Variants in PTPRN2 observed in about 807,000 individuals in gnomAD.
The protein encoded by PTPRN2 is receptor-type tyrosine-protein phosphatase N2.
In PTPRN2, 74 loss-of-function variants were observed where a neutral mutation model predicts 118.8. The ratio of observed to expected loss-of-function variants is 0.62; its 90% CI spans 0.52 to 0.76. The LOEUF (loss-of-function observed/expected upper bound fraction) is 0.76. Ranked by LOEUF, PTPRN2 falls within the 30% of genes least tolerant of loss-of-function variation. The pLI is 0.00. For missense variants in PTPRN2, 1,481 were observed against 1,394.4 expected, an observed-to-expected ratio of 1.06 and a Z score of -0.99; for synonymous variants, 641 against 608.0, an observed-to-expected ratio of 1.05 and a Z score of -0.80.
chr7:158,337,364 CACACCCACACTCTCACCATAA>C (rs1805832366), intron 2 of PTPRN2, among the ~76,000 whole-genome samples: 2 of 90,928 alleles, frequency 2.2e-5, no homozygotes, highest in Admixed American at 1.2e-4. Flanking sequence ...AGACGTCCCT[CACACCCACACTCTCACCATAA>C]GAGGTAACAC....
intron 3 of PTPRN2, among the ~76,000 whole-genome samples, chr7:158,258,998 G>A (rs77903156): frequency 0.02 from 3,113 of 152,228 alleles, 111 homozygotes; most frequent in African/African-American, 0.07. Context: ...TCGGTACAGG[G>A]AGGCAGGAAG....
At chr7:158,416,279 G>T (rs1053685480) in intron 2 of PTPRN2, among the ~76,000 whole-genome samples, 1 of 152,208 alleles carries the variant, frequency 6.6e-6, no homozygotes, top group Admixed American at 6.5e-5. Context: ...GATTGCATCC[G>T]ACTGTCCTCC....
rs1007080628 is a variant in PTPRN2, at chr7:157,794,732, A to G, written c.1788+103941T>C. ...AAGACACCCAGCCTGAAACCACGAT[A>G]AATGTGTGGAGTTGTGGAGACAGCT... On this transcript the variant is annotated intron_variant, in intron 12 of 22. Transcript: ENST00000389418. The surrounding 1 kb of genome is among the most constrained non-coding windows in gnomAD (Gnocchi z 5.2). Among the ~76,000 whole-genome samples the G allele has an allele frequency of 2.6e-5, 4 of 152,214 alleles. No individual in the cohort carries two copies. Among genetic ancestry groups the G allele is most frequent in the African/African-American group, 9.6e-5 (4 of 41,452 alleles).
chr7:157,898,256 T>C (rs1333371673), intron 12 of PTPRN2, among the ~76,000 whole-genome samples: 1 of 152,262 alleles, frequency 6.6e-6, no homozygotes, highest in Non-Finnish European at 1.5e-5. Context: ...CTCTCCCAAA[T>C]GTGCGTCCTT....
Position 158,335,325 on chromosome 7 carries a change from T to C in PTPRN2, c.164-18393A>G, listed in dbSNP as rs62480947. ...GGCCCACAGAGGACACTCACACCCATACTCTCACCATAAGAGGTGACACCT... is the reference window on the plus strand; with the variant it reads ...GGCCCACAGAGGACACTCACACCCACACTCTCACCATAAGAGGTGACACCT... On this transcript the variant is annotated intron_variant, in intron 2 of 22. Transcript: ENST00000389418. Among the ~76,000 whole-genome samples the C allele has an allele frequency of 8.3e-3, 74 of 8,914 alleles. 16 individuals are homozygous for C. The highest frequency in any genetic ancestry group is 0.015 in the South Asian group (2 of 134). 5.8% of individuals were successfully genotyped at this position (8,914 alleles called of 152,430 possible). A position where few individuals can be genotyped will look rare whatever the true frequency, so the allele number is the denominator to read the frequency against.
At chr7:157,914,750 T>C (rs1798301510) in intron 11 of PTPRN2, among the ~76,000 whole-genome samples, 1 of 152,168 alleles carries the variant, frequency 6.6e-6, no homozygotes, top group Admixed American at 6.5e-5. Context: ...ATGAACTGCA[T>C]TTAAGATCCT....
At position 158,403,969 on chromosome 7, in the gene PTPRN2, T is replaced by C. The variant is rs1351754523; in HGVS notation, c.163+85766A>G. On this transcript the variant is annotated intron_variant, in intron 2 of 22. Coordinates refer to ENST00000389418, the MANE Select transcript of PTPRN2 (RefSeq NM_002847.5). Reference sequence around the variant, plus strand: ...AACACTACAATTCCATTTTTATAATTACTCATGTCCTTACCAAAGAAAAGG... The same window carrying C: ...AACACTACAATTCCATTTTTATAATCACTCATGTCCTTACCAAAGAAAAGG... Among the ~76,000 whole-genome samples the C allele has an allele frequency of 2.6e-5, 4 of 152,222 alleles. 1 individual carries two copies. Among genetic ancestry groups the C allele is most frequent in the African/African-American group, 9.7e-5 (4 of 41,442 alleles).
intron 11 of PTPRN2, among the ~76,000 whole-genome samples, chr7:158,060,896 T>C (rs1221106879): frequency 1.3e-5 from 2 of 152,246 alleles, no homozygotes; most frequent in Admixed American, 1.3e-4. Context: ...AAGTTTCCTT[T>C]ATTAAGTTAT....
chr7:158,074,981 C>T lies in PTPRN2; in HGVS notation c.1723+6317G>A, dbSNP rs568391950. ...AGTGTCCCCCACATGCGGCTCCTGGCGTTCCACGCTGGTAGCCCTGTCGAT... is the reference window on the plus strand; with the variant it reads ...AGTGTCCCCCACATGCGGCTCCTGGTGTTCCACGCTGGTAGCCCTGTCGAT... On this transcript the variant is annotated intron_variant, in intron 11 of 22. Coordinates refer to ENST00000389418, the MANE Select transcript of PTPRN2 (RefSeq NM_002847.5). 5.3e-4 allele frequency among the ~76,000 whole-genome samples: 80 copies of T among 152,312 alleles called. 1 individual carries two copies. The South Asian group carries it at 0.016, about 30-fold the overall frequency.
At chr7:158,264,411 C>T (rs1004196843) in intron 3 of PTPRN2, among the ~76,000 whole-genome samples, 21 of 152,150 alleles carry the variant, frequency 1.4e-4, no homozygotes, top group African/African-American at 4.6e-4. Flanking sequence ...TGGACACACA[C>T]GGTCCAAAGA....
At chr7:158,481,933 C>T (rs1236313627) in intron 2 of PTPRN2, among the ~76,000 whole-genome samples, 2 of 152,172 alleles carry the variant, frequency 1.3e-5, no homozygotes, top group Non-Finnish European at 2.9e-5. Flanking sequence ...GCAACATTCA[C>T]AGGAGTTTGG....
At chr7:157,837,930 T>G (rs1284763598) in intron 12 of PTPRN2, among the ~76,000 whole-genome samples, 1 of 152,198 alleles carries the variant, frequency 6.6e-6, no homozygotes, top group African/African-American at 2.4e-5. Flanking sequence ...AAAGCTCCTC[T>G]CCACCGTGGC....
intron 3 of PTPRN2, among the ~76,000 whole-genome samples, chr7:158,228,640 T>TTA (rs1455616746): frequency 1.3e-5 from 2 of 151,170 alleles, no homozygotes; most frequent in Admixed American, 1.3e-4. Context: ...ACACAGAAAA[T>TTA]TGAAAACACC....
At chr7:157,730,190 C>CG (rs1046321434) in intron 12 of PTPRN2, among the ~76,000 whole-genome samples, 1 of 151,838 alleles carries the variant, frequency 6.6e-6, no homozygotes, top group Non-Finnish European at 1.5e-5. Context: ...CCACCCCTGC[C>CG]CCCCCCCGGG....
At chr7:158,119,442 C>T (rs377670711) in intron 9 of PTPRN2, among the ~76,000 whole-genome samples, 6 of 152,144 alleles carry the variant, frequency 3.9e-5, no homozygotes, top group African/African-American at 7.2e-5. Context: ...GAATGTAACA[C>T]GGTATATCAA....
intron 9 of PTPRN2, among the ~76,000 whole-genome samples, chr7:158,120,260 C>T (rs2150391298): frequency 6.6e-6 from 1 of 152,272 alleles, no homozygotes; most frequent in South Asian, 2.1e-4. Flanking sequence ...TGGGGATGGA[C>T]AGCGGTGATG....
chr7:158,376,025 A>C (rs1043158274), intron 2 of PTPRN2, among the ~76,000 whole-genome samples: 2 of 152,160 alleles, frequency 1.3e-5, no homozygotes, highest in African/African-American at 4.8e-5. Context: ...GAGCTGGTTA[A>C]TACTTAAGCC....
intron 2 of PTPRN2, among the ~76,000 whole-genome samples, chr7:158,478,203 C>T (rs998211361): frequency 2.0e-5 from 3 of 152,184 alleles, no homozygotes; most frequent in African/African-American, 7.2e-5. Context: ...AAGGCTCAGC[C>T]CATGACTGCT....
intron 2 of PTPRN2, among the ~76,000 whole-genome samples, chr7:158,324,820 C>T (rs1200817941): frequency 2.6e-5 from 4 of 152,038 alleles, no homozygotes; most frequent in East Asian, 1.9e-4. Flanking sequence ...AGCTGTGGAC[C>T]GAACAAGGTG....
Sources: allele counts gnomAD v4.1 joint callset (sites outside exome capture counted in the v4.1 genomes callset), GRCh38; gene constraint gnomAD v4.1.1; non-coding constraint Gnocchi (gnomAD v3.1); transcripts MANE v1.5; gene names NCBI Gene and HGNC (gene_info 2026-07-23, HGNC 2026-07-21).